Variants in PACS2 observed in about 807,000 individuals in gnomAD.
PACS2 encodes the protein PACS1-like protein.
In PACS2, 36 loss-of-function variants were observed where a neutral mutation model predicts 113.0. The ratio of observed to expected loss-of-function variants is 0.32; its 90% CI spans 0.24 to 0.42. The LOEUF is 0.42. Ranked by LOEUF, PACS2 falls within the 10% of genes least tolerant of loss-of-function variation. The probability of loss-of-function intolerance (pLI) is 1.00; values close to 1 mark genes in which losing one functional copy is unlikely to be tolerated. For missense variants in PACS2, 1,015 were observed against 1,239.5 expected, an observed-to-expected ratio of 0.82 and a Z score of 2.72; for synonymous variants, 589 against 536.1, an observed-to-expected ratio of 1.10 and a Z score of -1.36.
intron 16 of PACS2, 197 bp from the exon 17 acceptor site, chr14:105,384,155 TG>T: frequency 1.8e-6 from 1 of 564,556 alleles, no homozygotes; most frequent in South Asian, 2.0e-5. Flanking sequence ...AGCTCAGGGC[TG>T]GAGCTCCTTC....
rs1442136678 is a variant in PACS2, at chr14:105,340,020, C to T, written c.120-8473C>T. Among the ~76,000 whole-genome samples the T allele has an allele frequency of 6.6e-6, 1 of 152,250 alleles. No homozygotes were observed. Among genetic ancestry groups the T allele is most frequent in the Non-Finnish European group, 1.5e-5 (1 of 68,048 alleles). On this transcript the variant is annotated intron_variant, in intron 1 of 24. Transcript: ENST00000447393. The surrounding 1 kb of genome is among the most constrained non-coding windows in gnomAD (Gnocchi z 4.2). The stretch of plus-strand genomic sequence containing the variant: ...TCTTGAGCTCCTGGGCTCAGGTGAT[C>T]CACCTGCCTTGGCCTCCCAAAGGGC...
chr14:105,369,843 A>C lies in PACS2; in HGVS notation c.744A>C (p.Gln248His), dbSNP rs782201952. The C allele has an allele frequency of 3.5e-5, 56 of 1,596,228 alleles. No homozygotes were observed. Among genetic ancestry groups the C allele is most frequent in the Non-Finnish European group, 4.5e-5 (53 of 1,174,142 alleles). The part of the protein sequence containing the change: ...SIVRTTSMTR[Q>H]QNFKQKVVAL... ...ACTCTGCACCGCCTGTCTTGCAGCA[A>C]CAGAACTTCAAGCAGAAAGTGGTAG... Residue 248 changes from glutamine to histidine, a missense_variant and splice_region_variant, in exon 8 of 25, where the codon CAA becomes CAC. By Grantham distance (24) the Gln-to-His change is conservative. Transcript: ENST00000447393.
chr14:105,372,538 G>A (rs2141179348), intron 8 of PACS2: 1 of 152,190 alleles, frequency 6.6e-6, no homozygotes. Context: ...TAGATAAAAT[G>A]GTAAATATTA....
Position 105,324,723 on chromosome 14 carries a change from TC to T in PACS2, c.119+9687del, listed in dbSNP as rs1304688228. 5.3e-5 allele frequency among the ~76,000 whole-genome samples: 8 copies of T among 151,574 alleles called. No individual in the cohort carries two copies. The highest frequency in any genetic ancestry group is 1.0e-4 in the Non-Finnish European group (7 of 67,830). On this transcript the variant is annotated intron_variant, in intron 1 of 24. Transcript: ENST00000447393. The surrounding 1 kb of genome is among the most constrained non-coding windows in gnomAD (Gnocchi z 4.7). ...CTGTGGAGGCCGGTGGCGCCCCGTC[TC>T]ACCCCACGGATGGGGGGCAGGCTCT... is the stretch of plus-strand genomic sequence containing the variant.
At chr14:105,362,280 T>C (rs587612925) in intron 4 of PACS2, among the ~76,000 whole-genome samples, 44 of 150,782 alleles carry the variant, frequency 2.9e-4, no homozygotes, top group East Asian at 7.9e-4. Flanking sequence ...TAGCTGGGCG[T>C]GGTGGCGGGC....
chr14:105,364,488 C>T lies in PACS2; in HGVS notation c.424-2725C>T, dbSNP rs1383355324. ...GGCGTCCCGGGTGCGCGGTGGGTGGCGGCCCGGGTGCGCGGTGGGCGGTGG... is the reference window on the plus strand; with the variant it reads ...GGCGTCCCGGGTGCGCGGTGGGTGGTGGCCCGGGTGCGCGGTGGGCGGTGG... On this transcript the variant is annotated intron_variant, in intron 4 of 24. Coordinates refer to ENST00000447393, the MANE Select transcript of PACS2 (RefSeq NM_001100913.3). 2.6e-3 allele frequency among the ~76,000 whole-genome samples: 369 copies of T among 139,666 alleles called. 5 individuals carry two copies. Among genetic ancestry groups the T allele is most frequent in the African/African-American group, 9.4e-3 (332 of 35,266 alleles). 91.6% of individuals were successfully genotyped at this position (139,666 alleles called of 152,430 possible). A position where few individuals can be genotyped will look rare whatever the true frequency, so the allele number is the denominator to read the frequency against.
At chr14:105,368,581 G>T (rs1315392418) in intron 7 of PACS2, 42 bp downstream of exon 7, 3 of 1,510,606 alleles carry the variant, frequency 2.0e-6, no homozygotes, top group Non-Finnish European at 2.8e-6. Context: ...GAAGGCGAGG[G>T]TCGGGGAGGA....
intron 1 of PACS2, among the ~76,000 whole-genome samples, chr14:105,334,758 C>T (rs1037197518): frequency 9.2e-5 from 14 of 152,262 alleles, no homozygotes; most frequent in African/African-American, 2.9e-4. Context: ...CACAGGTGCA[C>T]GTGGCCACAC....
chr14:105,324,482 T>C lies in PACS2; in HGVS notation c.119+9445T>C, dbSNP rs952714373. Among the ~76,000 whole-genome samples, 2 of 152,178 alleles carry C rather than the reference T, an allele frequency of 1.3e-5. No individual in the cohort carries two copies. Among genetic ancestry groups the C allele is most frequent in the Admixed American group, 6.5e-5 (1 of 15,288 alleles). Reference sequence around the variant, plus strand: ...GGCAGCCCTGAGGCCTGTGAGCTGCTGGCCCCGCAGGGTGGCTGGGCCTGG... The same window carrying C: ...GGCAGCCCTGAGGCCTGTGAGCTGCCGGCCCCGCAGGGTGGCTGGGCCTGG... On this transcript the variant is annotated intron_variant, in intron 1 of 24. Coordinates refer to ENST00000447393, the MANE Select transcript of PACS2 (RefSeq NM_001100913.3). This position sits in a 1 kb window ranked among gnomAD's most constrained non-coding sequence, Gnocchi z 4.7.
At chr14:105,371,986 C>T (rs1313604564) in intron 8 of PACS2, 1 of 152,240 alleles carries the variant, frequency 6.6e-6, no homozygotes, top group African/African-American at 2.4e-5. Context: ...GCGGGCAGAG[C>T]TCTCGGGCCC....
rs1555404175 is a variant in PACS2 at position 105,352,390 on chromosome 14, A to G, written c.220A>G (p.Ile74Val). 3 of 1,611,428 alleles carry G rather than the reference A, an allele frequency of 1.9e-6. No individual in the cohort carries two copies. The highest frequency in any genetic ancestry group is 2.5e-6 in the Non-Finnish European group (3 of 1,177,900). The part of the protein sequence containing the change: ...IAVKMQGSKR[I>V]LRSHEIVLPP... ...TGCTTAATCACAGGGCTCCAAACGA[A>G]TCCTGCGGTCCCATGAGATTGTGCT... The change falls in exon 3 of 25, where the codon ATC (isoleucine) becomes GTC (valine). Residue 74 changes from isoleucine to valine, a missense_variant. Transcript: ENST00000447393.
At position 105,317,533 on chromosome 14, in the gene PACS2, C is replaced by G. The variant is rs934283887; in HGVS notation, c.119+2496C>G. ...CAGTCTGGTGGGTGTGAAGTGGTAT[C>G]GTGGTTTTAACTTGAATTTCTCTGA... On this transcript the variant is annotated intron_variant, in intron 1 of 24. Coordinates refer to ENST00000447393, the MANE Select transcript of PACS2 (RefSeq NM_001100913.3). The surrounding 1 kb of genome is among the most constrained non-coding windows in gnomAD (Gnocchi z 4.2). Among the ~76,000 whole-genome samples, 3 of 152,188 alleles carry G rather than the reference C, an allele frequency of 2.0e-5. No individual in the cohort carries two copies.
chr14:105,356,714 T>C lies in PACS2; in HGVS notation c.423+1537T>C, dbSNP rs2060462804. Reference sequence around the variant, plus strand: ...CGGTCCCTGTGTTTCCCATTAGCCATGCAGGCGAGGTCCTGCTGATCCCTG... The same window carrying C: ...CGGTCCCTGTGTTTCCCATTAGCCACGCAGGCGAGGTCCTGCTGATCCCTG... On this transcript the variant is annotated intron_variant, in intron 4 of 24. Transcript: ENST00000447393. The surrounding 1 kb of genome is among the most constrained non-coding windows in gnomAD (Gnocchi z 4.0). Among the ~76,000 whole-genome samples, 1 of 149,880 alleles carries C rather than the reference T, an allele frequency of 6.7e-6. No individual in the cohort carries two copies. The highest frequency in any genetic ancestry group is 2.5e-5 in the African/African-American group (1 of 40,528).
intron 1 of PACS2, among the ~76,000 whole-genome samples, chr14:105,328,297 C>G (rs1364706886): frequency 6.6e-6 from 1 of 152,230 alleles, no homozygotes; most frequent in Non-Finnish European, 1.5e-5. Context: ...TTGTCCTCAC[C>G]TCTCCTCCTG....
chr14:105,391,848 A>C (rs1211249072), intron 22 of PACS2, 82 bp downstream of exon 22: 4 of 1,364,736 alleles, frequency 2.9e-6, no homozygotes, highest in Non-Finnish European at 3.0e-6. Context: ...CCCCTATGTC[A>C]CATCCACCTC....
Position 105,383,382 on chromosome 14 carries a change from C to T in PACS2, c.1649C>T (p.Pro550Leu), listed in dbSNP as rs2081060324. ...AGCTGCAACTGCAATTCCCAGCCCC[C>T]GACCCCCGTGAAGATCGCCGTGGCG... The part of the protein sequence containing the change: ...QRYCNCNSQP[P>L]TPVKIAVAGA... Residue 550 changes from proline to leucine, a missense_variant, in exon 16 of 25, where the codon CCG (proline) becomes CTG (leucine). By Grantham distance (98) the Pro-to-Leu change is moderately conservative. Transcript: ENST00000447393. 5 of 1,608,480 alleles carry T rather than the reference C, an allele frequency of 3.1e-6. No homozygotes were observed. The highest frequency in any genetic ancestry group is 3.4e-6 in the Non-Finnish European group (4 of 1,179,958).
chr14:105,393,986 C>T lies in PACS2; in HGVS notation c.2597-568C>T, dbSNP rs1331566984. On this transcript the variant is annotated intron_variant, in intron 24 of 24. Coordinates refer to ENST00000447393, the MANE Select transcript of PACS2 (RefSeq NM_001100913.3). The stretch of plus-strand genomic sequence containing the variant: ...CCGGGTGGCGGAGCTTGCAGTGAGC[C>T]GAGATTGCGCCACTGCACTCCAGCC... 6.2e-5 allele frequency among the ~76,000 whole-genome samples: 9 copies of T among 144,780 alleles called. No homozygotes were observed. The East Asian group carries it at 1.2e-3, about 19-fold the overall frequency. 95.0% of individuals were successfully genotyped at this position (144,780 alleles called of 152,430 possible). A position where few individuals can be genotyped will look rare whatever the true frequency, so the allele number is the denominator to read the frequency against.
intron 4 of PACS2, among the ~76,000 whole-genome samples, chr14:105,364,395 G>T (rs1335959534): frequency 3.1e-5 from 4 of 129,534 alleles, no homozygotes; most frequent in African/African-American, 1.3e-4. Context: ...GCGGTGGGCG[G>T]TGTCCCGGGT....
intron 1 of PACS2, among the ~76,000 whole-genome samples, chr14:105,328,595 C>T (rs1384656667): frequency 6.6e-6 from 1 of 152,208 alleles, no homozygotes; most frequent in Non-Finnish European, 1.5e-5. Flanking sequence ...CACGCACTTG[C>T]TGGAGGTACT....
Sources: gnomAD v4.1 joint callset for allele counts (sites outside exome capture counted in the v4.1 genomes callset) on GRCh38, gnomAD v4.1.1 for gene constraint, Gnocchi (gnomAD v3.1) non-coding constraint, MANE v1.5 for transcripts, NCBI Gene and HGNC (gene_info 2026-07-23, HGNC 2026-07-21) for gene names.